Variants in MTRFR observed in about 807,000 individuals in gnomAD.
MTRFR encodes the protein mitochondrial translation release factor in rescue.
MTRFR carries 10 observed loss-of-function variants against 11.9 expected under a neutral mutation model. The ratio of observed to expected loss-of-function variants is 0.84; its 90% CI spans 0.52 to 1.42. The LOEUF (loss-of-function observed/expected upper bound fraction) is 1.42. Ranked by LOEUF, MTRFR falls within the 40% of genes most tolerant of loss-of-function variation. MTRFR has a pLI of 0.00. For missense variants in MTRFR, 196 were observed against 197.9 expected, an observed-to-expected ratio of 0.99 and a Z score of 0.06; for synonymous variants, 77 against 79.1, an observed-to-expected ratio of 0.97 and a Z score of 0.14.
intron 1 of MTRFR, chr12:123,251,193 C>G (rs1030313741): frequency 1.3e-5 from 2 of 152,330 alleles, no homozygotes; most frequent in African/African-American, 4.8e-5. Flanking sequence ...CGTGTTCCCC[C>G]ACAACTGCCC....
chr12:123,254,301 C>T (rs1034886698), intron 2 of MTRFR: 11 of 279,358 alleles, frequency 3.9e-5, no homozygotes, highest in South Asian at 4.8e-5. Flanking sequence ...TAAAGGCAGG[C>T]GCCCGGGCAG....
intron 1 of MTRFR, among the ~76,000 whole-genome samples, chr12:123,245,794 G>A (rs762332153): frequency 3.3e-5 from 5 of 152,132 alleles, no homozygotes; most frequent in Non-Finnish European, 7.3e-5. Context: ...TCAGTTCTAG[G>A]AGCTTTCTGG....
intron 1 of MTRFR, among the ~76,000 whole-genome samples, chr12:123,239,612 C>G (rs1021020049): frequency 6.6e-6 from 1 of 152,164 alleles, no homozygotes; most frequent in Admixed American, 6.5e-5. Context: ...CCGTGTTAGC[C>G]AGGATGGTCT....
At chr12:123,242,104 C>G (rs2047949167) in intron 1 of MTRFR, among the ~76,000 whole-genome samples, 1 of 152,202 alleles carries the variant, frequency 6.6e-6, no homozygotes, top group Non-Finnish European at 1.5e-5. Context: ...AATATTCTTG[C>G]ACAAATTAAT....
chr12:123,248,866 T>G (rs1228159414), intron 1 of MTRFR: 1 of 152,260 alleles, frequency 6.6e-6, no homozygotes, highest in Non-Finnish European at 1.5e-5. Flanking sequence ...GGGTGCTGAT[T>G]GGTGCGTTTA....
chr12:123,245,969 C>A (rs1164772284), intron 1 of MTRFR, among the ~76,000 whole-genome samples: 1 of 152,088 alleles, frequency 6.6e-6, no homozygotes, highest in Non-Finnish European at 1.5e-5. Context: ...AGTAGGAATT[C>A]TTGTCTTGTT....
chr12:123,236,642 TC>T (rs1326751269), intron 1 of MTRFR, among the ~76,000 whole-genome samples: 4 of 151,958 alleles, frequency 2.6e-5, no homozygotes, highest in African/African-American at 9.7e-5. Flanking sequence ...TATGTTTAAG[TC>T]CTAAACAAAC....
rs773644413 is a variant in MTRFR, at chr12:123,256,989, G to A, written c.459G>A (p.Lys153=). 3.1e-6 allele frequency: 5 copies of A among 1,611,824 alleles called. No homozygotes were observed. The African/African-American group carries it at 4.0e-5, about 13-fold the overall frequency. The part of the protein sequence containing the change: ...KRAKETLEKK[K]LLKELWESSK... Reference sequence around the variant, plus strand: ...CAAAGGAAACCCTGGAAAAAAAGAAGCTACTTAAAGAACTGTGGGAGTCAA... The same window carrying A: ...CAAAGGAAACCCTGGAAAAAAAGAAACTACTTAAAGAACTGTGGGAGTCAA... The change falls in exon 3 of 3, where the codon AAG becomes AAA. Residue 153 remains lysine, a synonymous_variant. Transcript: ENST00000253233.
Position 123,253,858 on chromosome 12 carries a change from G to C in MTRFR, c.184G>C (p.Glu62Gln), listed in dbSNP as rs1020292509. ...LLSLDENELE[E>Q]QFVKGHGPGG... ...TTCCTTGGATGAGAATGAACTCGAA[G>C]AGCAGTTTGTGAAAGGACACGGTCC... is the stretch of plus-strand genomic sequence containing the variant. Residue 62 changes from glutamate to glutamine, a missense_variant, in exon 2 of 3, where the codon GAG becomes CAG. Transcript: ENST00000253233. 2.5e-6 allele frequency: 4 copies of C among 1,614,196 alleles called. No homozygotes were observed. The African/African-American group carries it at 5.3e-5, about 22-fold the overall frequency.
upstream of MTRFR, chr12:123,233,208 T>G (rs959453802): frequency 6.6e-5 from 10 of 152,072 alleles, no homozygotes; most frequent in Admixed American, 1.3e-4. Flanking sequence ...CAGCCTCGCA[T>G]GGCGCGCGCG....
intron 2 of MTRFR, 116 bp downstream of exon 2, chr12:123,254,072 G>T: frequency 7.7e-7 from 1 of 1,295,326 alleles, no homozygotes; most frequent in Non-Finnish European, 1.1e-6. Context: ...TCTGGCTTGG[G>T]CCACCCTCTA....
chr12:123,256,516 T>C (rs1344592427), intron 2 of MTRFR, among the ~76,000 whole-genome samples: 2 of 152,126 alleles, frequency 1.3e-5, no homozygotes, highest in Admixed American at 1.3e-4. Flanking sequence ...GCCAACATGG[T>C]GAAACCCCAT....
chr12:123,253,998 G>A, intron 2 of MTRFR, 42 bp downstream of exon 2: 1 of 1,608,468 alleles, frequency 6.2e-7, no homozygotes, highest in Non-Finnish European at 8.5e-7. Context: ...CCCCGCCCAA[G>A]GGTTCCACAG....
intron 1 of MTRFR, among the ~76,000 whole-genome samples, chr12:123,246,807 T>C (rs1409705982): frequency 4.6e-5 from 6 of 130,756 alleles, no homozygotes; most frequent in African/African-American, 1.4e-4. Context: ...CTTGGCTCAC[T>C]GCAAGCTCCA....
At chr12:123,236,524 G>T (rs1020117840) in intron 1 of MTRFR, among the ~76,000 whole-genome samples, 2 of 151,678 alleles carry the variant, frequency 1.3e-5, no homozygotes, top group Non-Finnish European at 2.9e-5. Context: ...AGCCCAGGAG[G>T]TCAAGGCTGC....
chr12:123,243,529 CA>C (rs55817401), intron 1 of MTRFR, among the ~76,000 whole-genome samples: 58,370 of 116,800 alleles, frequency 0.5, 16,284 homozygotes, highest in East Asian at 0.67. Flanking sequence ...GACTCCGTCT[CA>C]AAAAAAAAAA....
At chr12:123,235,430 G>C (rs2047830233) in intron 1 of MTRFR, among the ~76,000 whole-genome samples, 1 of 151,992 alleles carries the variant, frequency 6.6e-6, no homozygotes. Flanking sequence ...GTGTGACAGA[G>C]CTCAGCTCAC....
At chr12:123,245,861 T>C (rs1021221920) in intron 1 of MTRFR, among the ~76,000 whole-genome samples, 1 of 152,208 alleles carries the variant, frequency 6.6e-6, no homozygotes, top group Admixed American at 6.5e-5. Context: ...CAGTGACAGC[T>C]TGACTTCCTC....
chr12:123,243,260 A>G (rs1672701321), intron 1 of MTRFR, among the ~76,000 whole-genome samples: 3 of 151,302 alleles, frequency 2.0e-5, no homozygotes, highest in South Asian at 2.1e-4. Flanking sequence ...GCTGGGCGCA[A>G]TGGCTCACGC....
Sources: allele counts gnomAD v4.1 joint callset (sites outside exome capture counted in the v4.1 genomes callset), GRCh38; gene constraint gnomAD v4.1.1; transcripts MANE v1.5; gene names NCBI Gene and HGNC (gene_info 2026-07-23, HGNC 2026-07-21).